The following MTHFD1L variants were observed in gnomAD, a reference collection of about 807,000 sequenced individuals.
MTHFD1L encodes monofunctional C1-tetrahydrofolate synthase, mitochondrial.
Under a neutral mutation model 119.5 loss-of-function variants are expected in MTHFD1L, and 81 were observed. The observed-to-expected ratio is 0.68, with a 90% CI of 0.57 to 0.82. The LOEUF is 0.82. MTHFD1L is among the 40% of genes least tolerant of loss of function. The pLI, the probability that MTHFD1L is intolerant of heterozygous loss-of-function variation, is 0.00. For synonymous variants in MTHFD1L, 430 were observed against 475.2 expected, an observed-to-expected ratio of 0.90 and a Z score of 1.24; for missense variants, 1,125 against 1,253.4, an observed-to-expected ratio of 0.90 and a Z score of 1.55.
chr6:151,058,272 T>C (rs1562610578), intron 26 of MTHFD1L, among the ~76,000 whole-genome samples: 3 of 152,312 alleles, frequency 2.0e-5, no homozygotes, highest in South Asian at 4.1e-4. Context: ...CAAGACCCTC[T>C]GGGTGGGTCA....
At chr6:151,097,268 GTTA>G (rs1381023799) in intron 27 of MTHFD1L, among the ~76,000 whole-genome samples, 2 of 152,134 alleles carry the variant, frequency 1.3e-5, no homozygotes, top group African/African-American at 4.8e-5. Flanking sequence ...ACAAATGTTT[GTTA>G]TTTACAAAAG....
chr6:151,005,053 G>C (rs1781193635), intron 20 of MTHFD1L, among the ~76,000 whole-genome samples: 1 of 151,772 alleles, frequency 6.6e-6, no homozygotes, highest in Non-Finnish European at 1.5e-5. Flanking sequence ...TTTAAGCTTT[G>C]TTAAGAACTG....
chr6:151,006,678 G>C (rs900042803), intron 20 of MTHFD1L, among the ~76,000 whole-genome samples: 6 of 152,108 alleles, frequency 3.9e-5, no homozygotes, highest in Non-Finnish European at 7.3e-5. Context: ...GTGCTTTTCT[G>C]CTACTCTCTT....
chr6:151,013,668 CAT>C, intron 21 of MTHFD1L, 109 bp from the exon 22 acceptor site: 1 of 1,008,536 alleles, frequency 9.9e-7, no homozygotes, highest in South Asian at 1.4e-5. Flanking sequence ...AAGCACAAAA[CAT>C]AGAGGTACAT....
chr6:151,009,694 C>A, intron 20 of MTHFD1L, 125 bp from the exon 21 acceptor site: 2 of 1,100,406 alleles, frequency 1.8e-6, no homozygotes, highest in Non-Finnish European at 2.7e-6. Context: ...GAAATCAGTT[C>A]ACCTTTGTGT....
chr6:150,928,433 CAAAAAA>C (rs540059318), intron 11 of MTHFD1L, among the ~76,000 whole-genome samples: 26 of 70,934 alleles, frequency 3.7e-4, no homozygotes, highest in African/African-American at 1.2e-3. Context: ...AAGACTGTCT[CAAAAAA>C]AAAAAAAAAA....
chr6:150,989,858 A>G (rs1011073052), intron 20 of MTHFD1L, among the ~76,000 whole-genome samples: 4 of 152,238 alleles, frequency 2.6e-5, no homozygotes, highest in Admixed American at 6.5e-5. Context: ...TTACTATACT[A>G]TATCATGCCA....
intron 26 of MTHFD1L, among the ~76,000 whole-genome samples, chr6:151,088,597 C>A (rs562020372): frequency 6.6e-6 from 1 of 150,442 alleles, no homozygotes; most frequent in Non-Finnish European, 1.5e-5. Context: ...GCTAAAACGA[C>A]GGGTGCTCAT....
At chr6:151,070,142 G>T (rs1301260448) in intron 26 of MTHFD1L, among the ~76,000 whole-genome samples, 3 of 152,120 alleles carry the variant, frequency 2.0e-5, no homozygotes, top group Non-Finnish European at 4.4e-5. Context: ...TCCACATATA[G>T]CTTGTATTTA....
chr6:150,869,102 T>G (rs1778953842), intron 1 of MTHFD1L, among the ~76,000 whole-genome samples: 1 of 152,178 alleles, frequency 6.6e-6, no homozygotes, highest in Admixed American at 6.5e-5. Context: ...GTATGTACAT[T>G]TTTTAGACAA....
At chr6:151,029,562 C>T (rs1028416491) in intron 24 of MTHFD1L, among the ~76,000 whole-genome samples, 3 of 151,882 alleles carry the variant, frequency 2.0e-5, no homozygotes, top group African/African-American at 4.8e-5. Flanking sequence ...TTTGGGAGGC[C>T]GAGGCAAGCG....
chr6:150,926,175 A>G lies in MTHFD1L; in HGVS notation c.1136A>G (p.Lys379Arg), dbSNP rs145541103. The G allele has an allele frequency of 1.3e-4, 214 of 1,614,122 alleles. 1 individual carries two copies. The South Asian group carries it at 2.2e-3, about 17-fold the overall frequency. Residue 379 changes from lysine (K) to arginine (R), a missense_variant, in exon 11 of 28, where the codon AAG becomes AGG. Lys to Arg is a conservative substitution (Grantham distance 26). Around this residue, in one of 3 missense-constraint regions of MTHFD1L, gnomAD observed 1,058 missense variants for 1,151.2 expected, o/e 0.92. Transcript: ENST00000367321. The surrounding 1 kb of genome is among the most constrained non-coding windows in gnomAD (Gnocchi z 4.3). ...CCAAAAGCTGTGGATGTCCTTGCCA[A>G]GGAGATTGGATTGCTTGCAGATGAA... ...QTPKAVDVLA[K>R]EIGLLADEIE...
chr6:151,068,655 TA>T (rs1791587940), intron 26 of MTHFD1L, among the ~76,000 whole-genome samples: 2 of 152,248 alleles, frequency 1.3e-5, no homozygotes, highest in Non-Finnish European at 2.9e-5. Flanking sequence ...TTTGAAAAGC[TA>T]ATTTAATAGA....
chr6:150,989,031 C>T (rs1003925658), intron 20 of MTHFD1L, among the ~76,000 whole-genome samples: 17 of 152,332 alleles, frequency 1.1e-4, no homozygotes, highest in African/African-American at 3.8e-4. Flanking sequence ...TGAGCCACCA[C>T]GCCTGGCCTA....
At chr6:151,030,948 A>G (rs760476851) in intron 24 of MTHFD1L, among the ~76,000 whole-genome samples, 3 of 152,242 alleles carry the variant, frequency 2.0e-5, no homozygotes, top group Admixed American at 1.3e-4. Flanking sequence ...TGGGAGGCCA[A>G]TGCAGGAAAA....
rs76693583 is a variant in MTHFD1L, at chr6:151,033,991, C to T, written c.2587-502C>T. Among the ~76,000 whole-genome samples, 142 of 151,886 alleles carry T rather than the reference C, an allele frequency of 9.3e-4. 2 individuals carry two copies. The East Asian group carries it at 0.025, about 27-fold the overall frequency. On this transcript the variant is annotated intron_variant, in intron 24 of 27. Transcript: ENST00000367321. Reference sequence around the variant, plus strand: ...AGGAGTTCAAGACCAACCTGGGCAACGTGGTGAAACCCAGTCTCTACAAAA... The same window carrying T: ...AGGAGTTCAAGACCAACCTGGGCAATGTGGTGAAACCCAGTCTCTACAAAA...
intron 6 of MTHFD1L, 111 bp from the exon 7 acceptor site, chr6:150,887,734 G>C (rs1782551491): frequency 7.7e-6 from 9 of 1,176,244 alleles, no homozygotes; most frequent in Non-Finnish European, 1.0e-5. Context: ...TGGAATTATA[G>C]GCATGAGCCA....
intron 17 of MTHFD1L, among the ~76,000 whole-genome samples, 197 bp downstream of exon 17, chr6:150,956,268 A>G (rs1583786549): frequency 6.6e-6 from 1 of 152,132 alleles, no homozygotes; most frequent in East Asian, 1.9e-4. Context: ...CATCTTTTCT[A>G]TGTATGTTTA....
At chr6:151,059,172 G>A (rs973855287) in intron 26 of MTHFD1L, among the ~76,000 whole-genome samples, 2 of 151,538 alleles carry the variant, frequency 1.3e-5, no homozygotes, top group Non-Finnish European at 2.9e-5. Context: ...GCTCCAGGCT[G>A]CTACAGTTCT....
Sources: gnomAD v4.1 joint callset for allele counts (sites outside exome capture counted in the v4.1 genomes callset) on GRCh38, gnomAD v4.1.1 for gene constraint, gnomAD v4.1.1 regional missense constraint, Gnocchi (gnomAD v3.1) non-coding constraint, MANE v1.5 for transcripts, NCBI Gene and HGNC (gene_info 2026-07-23, HGNC 2026-07-21) for gene names.